NRXN1: variants seen among roughly 807,000 people sequenced by gnomAD.
NRXN1 encodes the protein neurexin 1.
A neutral mutation model predicts 150.9 loss-of-function variants in NRXN1; 39 were observed. The observed-to-expected ratio is 0.26, with a 90% CI of 0.20 to 0.34. The LOEUF is 0.34. NRXN1 is among the 10% of genes least tolerant of loss of function. The pLI, the probability that NRXN1 is intolerant of heterozygous loss-of-function variation, is 1.00. For missense variants in NRXN1, 1,815 were observed against 1,949.9 expected (o/e 0.93, Z 1.30); for synonymous variants, 924 against 757.0 (o/e 1.22, Z -3.62).
intron 17 of NRXN1, among the ~76,000 whole-genome samples, chr2:50,433,508 G>A (rs1284594012): frequency 6.6e-6 from 1 of 151,370 alleles, no homozygotes; most frequent in Non-Finnish European, 1.5e-5. Context: ...TATTTTCTCA[G>A]TATAAAACAC....
intron 17 of NRXN1, among the ~76,000 whole-genome samples, chr2:50,311,711 A>G (rs948929346): frequency 5.3e-5 from 8 of 152,164 alleles, no homozygotes; most frequent in Admixed American, 5.2e-4. Context: ...ATCACTTTAT[A>G]TAAAAAGTAT....
chr2:50,153,695 A>C (rs2058838607), intron 18 of NRXN1, among the ~76,000 whole-genome samples: 1 of 151,838 alleles, frequency 6.6e-6, no homozygotes, highest in Non-Finnish European at 1.5e-5. Context: ...TGGCTCCAAA[A>C]AAAGAAAGAA....
chr2:50,300,973 A>G (rs1421990995), intron 17 of NRXN1, among the ~76,000 whole-genome samples: 1 of 152,078 alleles, frequency 6.6e-6, no homozygotes, highest in African/African-American at 2.4e-5. Flanking sequence ...TGGGATTACA[A>G]GCATGAGCCA....
At chr2:49,936,034 G>T (rs933898554) in intron 22 of NRXN1, among the ~76,000 whole-genome samples, 4 of 152,106 alleles carry the variant, frequency 2.6e-5, no homozygotes, top group African/African-American at 9.7e-5. Context: ...ATGTGAAACC[G>T]ATTATTAATG....
intron 5 of NRXN1, chr2:50,912,233 A>G (rs905040838): frequency 6.6e-6 from 1 of 151,836 alleles, no homozygotes; most frequent in African/African-American, 2.4e-5. Context: ...TTTAAAGTAC[A>G]GGATGCCAAT....
At chr2:50,642,160 C>T (rs1366086949) in intron 5 of NRXN1, among the ~76,000 whole-genome samples, 3 of 151,958 alleles carry the variant, frequency 2.0e-5, no homozygotes, top group Non-Finnish European at 4.4e-5. Context: ...ATCAAAGAAA[C>T]ATATATTAAA....
intron 17 of NRXN1, among the ~76,000 whole-genome samples, chr2:50,378,134 T>C (rs2080663404): frequency 6.6e-6 from 1 of 152,146 alleles, no homozygotes; most frequent in African/African-American, 2.4e-5. Flanking sequence ...AGATCAGCCA[T>C]GGAAATATGC....
intron 2 of NRXN1, among the ~76,000 whole-genome samples, chr2:51,014,510 G>A (rs1364076066): frequency 6.6e-6 from 1 of 151,928 alleles, no homozygotes; most frequent in Non-Finnish European, 1.5e-5. Flanking sequence ...ATGGAATTTT[G>A]AAAAAGAGAA....
At chr2:50,342,008 G>C (rs1254567002) in intron 17 of NRXN1, among the ~76,000 whole-genome samples, 3 of 152,174 alleles carry the variant, frequency 2.0e-5, no homozygotes, top group African/African-American at 7.2e-5. Flanking sequence ...TTAGAACTAA[G>C]TTGTAAACTT....
At chr2:50,422,488 C>T (rs745948955) in intron 17 of NRXN1, among the ~76,000 whole-genome samples, 4 of 152,066 alleles carry the variant, frequency 2.6e-5, no homozygotes, top group Non-Finnish European at 5.9e-5. Context: ...ATCTGGACAT[C>T]GAAGAGGAAA....
chr2:50,512,766 A>G (rs964122001), intron 12 of NRXN1, among the ~76,000 whole-genome samples: 2 of 152,184 alleles, frequency 1.3e-5, no homozygotes, highest in Non-Finnish European at 2.9e-5. Context: ...ATATTTTTAC[A>G]TATTCAAAAA....
chr2:50,253,198 T>C (rs1179036451), intron 17 of NRXN1, among the ~76,000 whole-genome samples: 1 of 152,164 alleles, frequency 6.6e-6, no homozygotes, highest in Non-Finnish European at 1.5e-5. Context: ...TCATTCACGA[T>C]TTGACTCTCT....
At chr2:50,707,993 C>T (rs1694670490) in intron 5 of NRXN1, among the ~76,000 whole-genome samples, 1 of 152,072 alleles carries the variant, frequency 6.6e-6, no homozygotes, top group Non-Finnish European at 1.5e-5. Context: ...GCTAACTGAA[C>T]ATTTTGTTTC....
intron 17 of NRXN1, among the ~76,000 whole-genome samples, chr2:50,333,695 C>T (rs562119950): frequency 5.3e-5 from 8 of 151,842 alleles, no homozygotes; most frequent in African/African-American, 1.2e-4. Flanking sequence ...ATGGATTTGA[C>T]GGCCTCTATT....
intron 8 of NRXN1, among the ~76,000 whole-genome samples, chr2:50,595,966 C>T (rs1407458677): frequency 1.3e-5 from 2 of 152,134 alleles, no homozygotes; most frequent in Admixed American, 6.5e-5. Flanking sequence ...CTAATGGCTT[C>T]CCAACAATGT....
At chr2:50,208,870 C>A (rs1436245592) in intron 18 of NRXN1, among the ~76,000 whole-genome samples, 1 of 152,102 alleles carries the variant, frequency 6.6e-6, no homozygotes, top group African/African-American at 2.4e-5. Flanking sequence ...GGGTCTTGTT[C>A]ATTGTCTCTT....
At chr2:50,505,604 A>G (rs1411686272) in intron 13 of NRXN1, among the ~76,000 whole-genome samples, 1 of 152,038 alleles carries the variant, frequency 6.6e-6, no homozygotes, top group Non-Finnish European at 1.5e-5. Context: ...CTCCAATGAT[A>G]CTCTTCTGCC....
chr2:50,864,784 G>A (rs1051906265), intron 5 of NRXN1, among the ~76,000 whole-genome samples: 1 of 151,964 alleles, frequency 6.6e-6, no homozygotes, highest in Non-Finnish European at 1.5e-5. Context: ...TTTGAAACTT[G>A]GTTTTTGATG....
chr2:50,233,749 A>C (rs1302463853), intron 18 of NRXN1, among the ~76,000 whole-genome samples: 3 of 152,118 alleles, frequency 2.0e-5, no homozygotes, highest in Non-Finnish European at 4.4e-5. Flanking sequence ...GTTAATTTTT[A>C]AGTCAGTTAT....
Sources: gnomAD v4.1 joint callset for allele counts (sites outside exome capture counted in the v4.1 genomes callset) on GRCh38, gnomAD v4.1.1 for gene constraint, MANE v1.5 for transcripts, NCBI Gene and HGNC (gene_info 2026-07-23, HGNC 2026-07-21) for gene names.